Variants in GRIK2 observed in about 807,000 individuals in gnomAD.
The protein encoded by GRIK2 is glutamate ionotropic receptor kainate type subunit 2.
Under a neutral mutation model 100.3 loss-of-function variants are expected in GRIK2, and 32 were observed. The ratio of observed to expected loss-of-function variants is 0.32; its 90% CI spans 0.24 to 0.43. GRIK2 has a LOEUF of 0.43. Ranked by LOEUF, GRIK2 falls within the 20% of genes least tolerant of loss-of-function variation. The pLI is 1.00. For missense variants in GRIK2, 843 were observed against 1,114.9 expected (o/e 0.76, Z 3.47); for synonymous variants, 417 against 389.4 (o/e 1.07, Z -0.83).
chr6:101,563,709 G>A (rs1230601846), intron 2 of GRIK2, among the ~76,000 whole-genome samples: 1 of 151,972 alleles, frequency 6.6e-6, no homozygotes, highest in Non-Finnish European at 1.5e-5. Context: ...TTGGAATTTG[G>A]AATAATAGGA....
chr6:101,607,058 G>T (rs1162080909), intron 2 of GRIK2, among the ~76,000 whole-genome samples: 1 of 151,982 alleles, frequency 6.6e-6, no homozygotes, highest in Non-Finnish European at 1.5e-5. Context: ...TCCTACAAAT[G>T]TAGTGGAAAT....
intron 7 of GRIK2, among the ~76,000 whole-genome samples, chr6:101,793,343 C>T (rs973860649): frequency 3.3e-5 from 5 of 152,106 alleles, no homozygotes; most frequent in Non-Finnish European, 7.3e-5. Context: ...GTGGTATTAT[C>T]TACTTTTGGT....
intron 16 of GRIK2, among the ~76,000 whole-genome samples, chr6:102,064,969 C>T (rs950729166): frequency 2.0e-5 from 3 of 151,228 alleles, no homozygotes; most frequent in African/African-American, 7.3e-5. Flanking sequence ...TATCGTCTCA[C>T]AGTAACTTTA....
intron 2 of GRIK2, among the ~76,000 whole-genome samples, chr6:101,458,361 A>G (rs1021701731): frequency 1.3e-5 from 2 of 152,204 alleles, no homozygotes; most frequent in African/African-American, 4.8e-5. Flanking sequence ...CTTTGATGGG[A>G]ATACACATTC....
chr6:101,467,559 T>C (rs1363992532), intron 2 of GRIK2, among the ~76,000 whole-genome samples: 1 of 152,194 alleles, frequency 6.6e-6, no homozygotes, highest in Non-Finnish European at 1.5e-5. Flanking sequence ...TTATTTTTAA[T>C]AGCAAACCCA....
chr6:101,921,419 C>T (rs1789484561), intron 12 of GRIK2, among the ~76,000 whole-genome samples: 1 of 151,758 alleles, frequency 6.6e-6, no homozygotes, highest in African/African-American at 2.4e-5. Flanking sequence ...ATTGTATGAG[C>T]AGAAAAATAT....
rs571952731 is a variant in GRIK2 at position 101,513,024 on chromosome 6, A to G, written c.116-108925A>G. 2.6e-5 allele frequency among the ~76,000 whole-genome samples: 4 copies of G among 151,996 alleles called. No individual in the cohort carries two copies. In the East Asian group the frequency reaches 7.7e-4, roughly 29 times the overall value. The stretch of plus-strand genomic sequence containing the variant: ...AATATTATTATTTTATTTTTATTTT[A>G]ATATTTCAAGAGATTTATTCTAAGC... On this transcript the variant is annotated intron_variant, in intron 2 of 16. Coordinates refer to ENST00000369134, the MANE Select transcript of GRIK2 (RefSeq NM_021956.5).
At chr6:102,003,505 G>T (rs1324335918) in intron 14 of GRIK2, among the ~76,000 whole-genome samples, 2 of 151,608 alleles carry the variant, frequency 1.3e-5, no homozygotes, top group Non-Finnish European at 3.0e-5. Context: ...TCTTATTTAT[G>T]TTGATGGCAT....
intron 2 of GRIK2, among the ~76,000 whole-genome samples, chr6:101,471,492 CT>C: frequency 6.6e-6 from 1 of 152,006 alleles, no homozygotes; most frequent in Admixed American, 6.6e-5. Flanking sequence ...CTACTGGAAT[CT>C]AATTATTTAC....
At chr6:102,044,963 T>C (rs190333895) in intron 15 of GRIK2, among the ~76,000 whole-genome samples, 1 of 152,212 alleles carries the variant, frequency 6.6e-6, no homozygotes, top group East Asian at 1.9e-4. Flanking sequence ...TATTCCTATA[T>C]AGTATTTGGT....
At chr6:101,570,732 A>G (rs490955) in intron 2 of GRIK2, among the ~76,000 whole-genome samples, 29,677 of 152,048 alleles carry the variant, frequency 0.2, 5,052 homozygotes, top group African/African-American at 0.46. Context: ...TGTCTGATCA[A>G]GGTCAAACCT....
intron 2 of GRIK2, among the ~76,000 whole-genome samples, chr6:101,435,763 C>T (rs940327518): frequency 5.3e-5 from 8 of 152,144 alleles, no homozygotes; most frequent in African/African-American, 1.9e-4. Flanking sequence ...CATTCTCCAT[C>T]TGACACTTGG....
intron 4 of GRIK2, among the ~76,000 whole-genome samples, chr6:101,631,588 C>T (rs1780744800): frequency 6.6e-6 from 1 of 152,146 alleles, no homozygotes; most frequent in South Asian, 2.1e-4. Context: ...GACATCATAC[C>T]TGTTATCTCC....
chr6:101,459,212 A>G (rs1207887596), intron 2 of GRIK2, among the ~76,000 whole-genome samples: 1 of 152,156 alleles, frequency 6.6e-6, no homozygotes, highest in Non-Finnish European at 1.5e-5. Flanking sequence ...GGCAGATTCC[A>G]AAGGTCCTTT....
chr6:101,738,037 T>A (rs1380234469), intron 7 of GRIK2, among the ~76,000 whole-genome samples: 2 of 152,198 alleles, frequency 1.3e-5, no homozygotes, highest in African/African-American at 4.8e-5. Flanking sequence ...TTCTTTTTTT[T>A]CTTAGTGAAG....
intron 7 of GRIK2, among the ~76,000 whole-genome samples, chr6:101,689,399 C>T (rs1327600303): frequency 6.6e-6 from 1 of 152,070 alleles, no homozygotes; most frequent in Non-Finnish European, 1.5e-5. Context: ...CTTTGACATC[C>T]TTTCTTCATG....
intron 2 of GRIK2, among the ~76,000 whole-genome samples, chr6:101,505,464 T>C (rs946435479): frequency 6.6e-6 from 1 of 152,154 alleles, no homozygotes; most frequent in African/African-American, 2.4e-5. Flanking sequence ...GTGGCTCCTG[T>C]AGTTATTAGC....
At chr6:101,668,794 A>G (rs1420273163) in intron 4 of GRIK2, among the ~76,000 whole-genome samples, 2 of 152,152 alleles carry the variant, frequency 1.3e-5, no homozygotes, top group Non-Finnish European at 2.9e-5. Context: ...GGGATAGGGT[A>G]GTCGAGGCCT....
rs549546570 is a variant in GRIK2 at position 101,512,213 on chromosome 6, T to C, written c.116-109736T>C. 2.7e-3 allele frequency among the ~76,000 whole-genome samples: 408 copies of C among 152,044 alleles called. 3 individuals carry two copies. The highest frequency in any genetic ancestry group is 9.4e-3 in the African/African-American group (390 of 41,556). On this transcript the variant is annotated intron_variant, in intron 2 of 16. Coordinates refer to ENST00000369134, the MANE Select transcript of GRIK2 (RefSeq NM_021956.5). ...TTAAAAGAATAAGATAAAGATTAAATAATAAACTTAGTTTCATTCATGGTA... is the reference window on the plus strand; with the variant it reads ...TTAAAAGAATAAGATAAAGATTAAACAATAAACTTAGTTTCATTCATGGTA...
Sources: allele counts gnomAD v4.1 joint callset (sites outside exome capture counted in the v4.1 genomes callset), GRCh38; gene constraint gnomAD v4.1.1; transcripts MANE v1.5; gene names NCBI Gene and HGNC (gene_info 2026-07-23, HGNC 2026-07-21).